Variants in NKAIN3 observed in about 807,000 individuals in gnomAD.
NKAIN3 encodes sodium/potassium transporting ATPase interacting 3.
In NKAIN3, 25 loss-of-function variants were observed where a neutral mutation model predicts 30.2. The observed-to-expected ratio is 0.83, with a 90% CI of 0.60 to 1.16. The LOEUF (loss-of-function observed/expected upper bound fraction) is 1.16, where lower values mean the gene tolerates loss of function less well. Ranked by LOEUF, NKAIN3 falls within the 50% of genes most tolerant of loss-of-function variation. The pLI is 0.00. For missense variants in NKAIN3, 225 were observed against 254.1 expected (o/e 0.89, Z 0.78); for synonymous variants, 91 against 89.6 (o/e 1.02, Z -0.09).
chr8:62,798,619 T>C (rs1293687411), intron 4 of NKAIN3, among the ~76,000 whole-genome samples: 1 of 152,040 alleles, frequency 6.6e-6, no homozygotes, highest in Non-Finnish European at 1.5e-5. Context: ...AGTAGAATTA[T>C]GCCTAATAGT....
rs140749006 is a variant in NKAIN3 at position 62,404,587 on chromosome 8, A to G, written c.54+155460A>G. Among the ~76,000 whole-genome samples, 77 of 152,266 alleles carry G rather than the reference A, an allele frequency of 5.1e-4. No homozygotes were observed. In the Middle Eastern group the frequency reaches 0.017, roughly 34 times the overall value. On this transcript the variant is annotated intron_variant, in intron 1 of 6. Coordinates refer to ENST00000623646, the MANE Select transcript of NKAIN3 (RefSeq NM_001304533.3). Reference sequence around the variant, plus strand: ...CTTCCTGTCACCATGAAAAGAAGGAAAGGACACGTTTGCTTCTTCCTTCAC... The same window carrying G: ...CTTCCTGTCACCATGAAAAGAAGGAGAGGACACGTTTGCTTCTTCCTTCAC...
At chr8:62,756,438 TTTACTC>T (rs1453852150) in intron 4 of NKAIN3, among the ~76,000 whole-genome samples, 7 of 152,180 alleles carry the variant, frequency 4.6e-5, no homozygotes, top group African/African-American at 1.7e-4. Flanking sequence ...CTATCATACA[TTTACTC>T]TTAATATCTC....
At chr8:62,395,504 T>C (rs1817728235) in intron 1 of NKAIN3, among the ~76,000 whole-genome samples, 1 of 152,200 alleles carries the variant, frequency 6.6e-6, no homozygotes, top group Non-Finnish European at 1.5e-5. Flanking sequence ...AATCGTCCCA[T>C]TGTACAGATT....
rs572958730 is a variant in NKAIN3 at position 62,908,881 on chromosome 8, C to A, written c.472-9572C>A. Among the ~76,000 whole-genome samples, 3 of 152,250 alleles carry A rather than the reference C, an allele frequency of 2.0e-5. No homozygotes were observed. In the South Asian group the frequency reaches 6.2e-4, roughly 32 times the overall value. On this transcript the variant is annotated intron_variant, in intron 4 of 6. Transcript: ENST00000623646. ...AGGATTCTTTTAAGCTTTAAGGCTT[C>A]AATGTTGGTGTGAATGTGGGGAAAC...
intron 1 of NKAIN3, among the ~76,000 whole-genome samples, chr8:62,418,867 G>C (rs1022787586): frequency 6.6e-6 from 1 of 152,112 alleles, no homozygotes; most frequent in South Asian, 2.1e-4. Flanking sequence ...AGATCCGCTG[G>C]CATGAAAAGT....
At chr8:62,658,177 C>A (rs544303379) in intron 3 of NKAIN3, among the ~76,000 whole-genome samples, 1 of 152,290 alleles carries the variant, frequency 6.6e-6, no homozygotes, top group African/African-American at 2.4e-5. Flanking sequence ...TGAAATCATG[C>A]TATGAAGACC....
intron 1 of NKAIN3, among the ~76,000 whole-genome samples, chr8:62,523,548 T>C (rs765051328): frequency 1.4e-4 from 21 of 152,134 alleles, no homozygotes; most frequent in Non-Finnish European, 2.5e-4. Flanking sequence ...AAGTGAGTAA[T>C]TAAATAACCC....
intron 1 of NKAIN3, among the ~76,000 whole-genome samples, chr8:62,448,751 T>C (rs1306556218): frequency 6.6e-6 from 1 of 151,942 alleles, no homozygotes; most frequent in Non-Finnish European, 1.5e-5. Context: ...CTGAGCTTTT[T>C]GTAAAGAGTC....
At chr8:62,714,294 G>A (rs1243731848) in intron 3 of NKAIN3, among the ~76,000 whole-genome samples, 1 of 150,934 alleles carries the variant, frequency 6.6e-6, no homozygotes, top group Non-Finnish European at 1.5e-5. Context: ...ACATACTAGG[G>A]TACCTAACTC....
chr8:62,380,896 G>T (rs1817255847), intron 1 of NKAIN3, among the ~76,000 whole-genome samples: 1 of 152,102 alleles, frequency 6.6e-6, no homozygotes, highest in African/African-American at 2.4e-5. Flanking sequence ...AAGCCATTCT[G>T]AAGAACTATT....
At chr8:62,729,077 G>T (rs12386973) in intron 3 of NKAIN3, among the ~76,000 whole-genome samples, 117,110 of 133,378 alleles carry the variant, frequency 0.88, 51,647 homozygotes, top group African/African-American at 0.9. Flanking sequence ...AAAGACATTG[G>T]CAAGAGAATA....
chr8:62,755,054 C>G (rs1006603082), intron 4 of NKAIN3, among the ~76,000 whole-genome samples: 2 of 152,208 alleles, frequency 1.3e-5, no homozygotes, highest in African/African-American at 4.8e-5. Flanking sequence ...TCAGCATGCT[C>G]TTGGAGCTGA....
chr8:62,309,623 C>A (rs1814362645), intron 1 of NKAIN3, among the ~76,000 whole-genome samples: 1 of 149,828 alleles, frequency 6.7e-6, no homozygotes, highest in Non-Finnish European at 1.5e-5. Flanking sequence ...TTTGTTACCT[C>A]CAGAGAATTC....
downstream of NKAIN3, among the ~76,000 whole-genome samples, chr8:62,987,247 A>G (rs1392191280): frequency 6.6e-6 from 1 of 151,944 alleles, no homozygotes; most frequent in Non-Finnish European, 1.5e-5. Flanking sequence ...AAAAACATCA[A>G]CTGGGTGTGG....
intron 5 of NKAIN3, among the ~76,000 whole-genome samples, chr8:62,924,708 A>G (rs1822387664): frequency 6.6e-6 from 1 of 152,234 alleles, no homozygotes; most frequent in Admixed American, 6.5e-5. Flanking sequence ...CTGGGCTGCT[A>G]TATCAGAATA....
chr8:62,749,995 T>C (rs1816226229), intron 4 of NKAIN3, among the ~76,000 whole-genome samples: 1 of 152,102 alleles, frequency 6.6e-6, no homozygotes, highest in Admixed American at 6.6e-5. Context: ...ATTGTGCTTC[T>C]TAAACATTTG....
At chr8:62,577,054 C>T (rs1563466210) in intron 1 of NKAIN3, among the ~76,000 whole-genome samples, 1 of 151,906 alleles carries the variant, frequency 6.6e-6, no homozygotes, top group African/African-American at 2.4e-5. Context: ...TTTTTGAAGG[C>T]TTGTTGTTTT....
intron 1 of NKAIN3, among the ~76,000 whole-genome samples, chr8:62,511,100 C>A (rs1483580527): frequency 2.0e-5 from 3 of 152,096 alleles, no homozygotes; most frequent in African/African-American, 7.2e-5. Context: ...GGATCTGCCT[C>A]CCCACACCCT....
chr8:62,851,279 A>G (rs1418137313), intron 4 of NKAIN3, among the ~76,000 whole-genome samples: 1 of 152,144 alleles, frequency 6.6e-6, no homozygotes, highest in Non-Finnish European at 1.5e-5. Flanking sequence ...GTGTATAAGA[A>G]TGCTTCTGAT....
Sources: allele counts gnomAD v4.1 joint callset (sites outside exome capture counted in the v4.1 genomes callset), GRCh38; gene constraint gnomAD v4.1.1; transcripts MANE v1.5; gene names NCBI Gene and HGNC (gene_info 2026-07-23, HGNC 2026-07-21).